The following CIMIP2A variants were observed in gnomAD, a reference collection of about 807,000 sequenced individuals.
CIMIP2A encodes the protein ciliary microtubule inner protein 2A, also known as family with sequence similarity 166 member A.
At chr9:137,244,430 C>T in the CIMIP2A span, 1 of 1,527,228 alleles carries the variant, frequency 6.5e-7, no homozygotes, top group Non-Finnish European at 8.8e-7. Flanking sequence ...TCCCCCTACC[C>T]CCGACTCCAA....
the CIMIP2A span, chr9:137,245,424 C>G: frequency 2.5e-6 from 4 of 1,613,682 alleles, no homozygotes; most frequent in African/African-American, 2.7e-5. Context: ...ACGGAGGGTG[C>G]GGGGTGTCGG....
the CIMIP2A span, among the ~76,000 whole-genome samples, chr9:137,253,834 G>A: frequency 6.6e-6 from 1 of 152,146 alleles, no homozygotes; most frequent in Non-Finnish European, 1.5e-5. Context: ...CCTCAGGAAG[G>A]GCCCAGGGAT....
the CIMIP2A span, chr9:137,251,165 C>T: frequency 7.6e-6 from 6 of 792,168 alleles, no homozygotes; most frequent in Non-Finnish European, 1.3e-5. Flanking sequence ...GGGTCGGGGC[C>T]CGGGGCAGCC....
At chr9:137,249,735 C>A in the CIMIP2A span, among the ~76,000 whole-genome samples, 1 of 152,232 alleles carries the variant, frequency 6.6e-6, no homozygotes, top group African/African-American at 2.4e-5. Flanking sequence ...TCCCAGAGGG[C>A]GGCAACTAGC....
the CIMIP2A span, chr9:137,253,336 C>CT: frequency 3.2e-6 from 5 of 1,547,210 alleles, no homozygotes; most frequent in Non-Finnish European, 3.5e-6. Flanking sequence ...GGACTTGGGG[C>CT]CCCAGCCTGG....
chr9:137,247,827 C>T, the CIMIP2A span: 1 of 1,073,556 alleles, frequency 9.3e-7, no homozygotes, highest in South Asian at 1.4e-5. Context: ...ATTGTGGGCA[C>T]CTCCTGGGCC....
the CIMIP2A span, among the ~76,000 whole-genome samples, chr9:137,247,151 G>A: frequency 1.3e-5 from 2 of 152,138 alleles, no homozygotes; most frequent in African/African-American, 4.8e-5. Context: ...CAGGTGTGGT[G>A]GCAGATGCCT....
the CIMIP2A span, among the ~76,000 whole-genome samples, chr9:137,254,942 G>C: frequency 2.0e-5 from 3 of 152,234 alleles, no homozygotes; most frequent in Non-Finnish European, 2.9e-5. Flanking sequence ...ACGCTCAGGA[G>C]GGAGTCTGCG....
the CIMIP2A span, chr9:137,244,910 C>T: frequency 1.3e-6 from 2 of 1,593,620 alleles, no homozygotes; most frequent in East Asian, 2.2e-5. Flanking sequence ...ACCGCCTCGT[C>T]TTGGGAAAAG....
chr9:137,245,811 G>A, the CIMIP2A span: 1 of 1,512,906 alleles, frequency 6.6e-7, no homozygotes, highest in Non-Finnish European at 8.9e-7. Flanking sequence ...GCCCATAGGT[G>A]TTCCCCACCT....
the CIMIP2A span, chr9:137,251,774 G>A: frequency 5.0e-6 from 8 of 1,587,682 alleles, no homozygotes; most frequent in East Asian, 6.9e-5. Context: ...GCCCGGAGCC[G>A]GGGATGGCCT....
chr9:137,253,053 G>T, the CIMIP2A span: 1 of 1,537,654 alleles, frequency 6.5e-7, no homozygotes, highest in East Asian at 2.3e-5. Flanking sequence ...GGTGGGAACT[G>T]GGAGCCAGGT....
chr9:137,243,983 G>C, the CIMIP2A span, among the ~76,000 whole-genome samples: 8 of 151,912 alleles, frequency 5.3e-5, no homozygotes, highest in Non-Finnish European at 1.2e-4. Context: ...CTGGGACTTA[G>C]GTGGGTCCAG....
At chr9:137,247,308 AAT>A in the CIMIP2A span, among the ~76,000 whole-genome samples, 1 of 152,300 alleles carries the variant, frequency 6.6e-6, no homozygotes, top group South Asian at 2.1e-4. Flanking sequence ...AATAAAATGA[AAT>A]GAAGTGTGGA....
the CIMIP2A span, chr9:137,252,154 A>AG: frequency 6.3e-7 from 1 of 1,596,352 alleles, no homozygotes; most frequent in Non-Finnish European, 8.5e-7. Flanking sequence ...CCCCTCCCTG[A>AG]GGCCCAACCA....
chr9:137,243,931 C>G, the CIMIP2A span: 117 of 1,024,466 alleles, frequency 1.1e-4, no homozygotes, highest in South Asian at 1.4e-3. Flanking sequence ...GAAGGCAGGC[C>G]TGTCCTGTTC....
chr9:137,247,341 C>CG, the CIMIP2A span, among the ~76,000 whole-genome samples: 39 of 152,236 alleles, frequency 2.6e-4, no homozygotes, highest in Non-Finnish European at 2.5e-4. Flanking sequence ...GAGTGGGCGT[C>CG]GGGCACTTAC....
chr9:137,245,663 C>T, the CIMIP2A span: 16 of 1,606,592 alleles, frequency 1.0e-5, 1 homozygote, highest in South Asian at 1.7e-4. Context: ...ATGTAGGGCT[C>T]CGTCAGGTCT....
the CIMIP2A span, chr9:137,244,840 T>TTA: frequency 5.7e-6 from 9 of 1,568,576 alleles, no homozygotes; most frequent in Admixed American, 1.7e-4. Flanking sequence ...AAGGCTCCCT[T>TTA]TCGTTCCCTG....
Sources: gnomAD v4.1 joint callset for allele counts (sites outside exome capture counted in the v4.1 genomes callset) on GRCh38, gnomAD v4.1.1 for gene constraint, MANE v1.5 for transcripts, NCBI Gene and HGNC (gene_info 2026-07-23, HGNC 2026-07-21) for gene names.